The following GFOD1 variants were observed in gnomAD, a reference collection of about 807,000 sequenced individuals.
GFOD1 encodes Gfo/Idh/MocA-like oxidoreductase domain containing 1, also known as glucose-fructose oxidoreductase domain-containing protein 1.
In GFOD1, 9 loss-of-function variants were observed where a neutral mutation model predicts 25.4. The ratio of observed to expected loss-of-function variants is 0.35; its 90% confidence interval spans 0.21 to 0.62. The LOEUF (loss-of-function observed/expected upper bound fraction) is 0.62, where lower values mean the gene tolerates loss of function less well. Among genes scored for constraint, GFOD1 ranks in the 20% least tolerant of loss-of-function variants. The pLI, the probability that GFOD1 is intolerant of heterozygous loss-of-function variation, is 0.72. For synonymous variants in GFOD1, 253 were observed against 245.6 expected, an observed-to-expected ratio of 1.03 and a Z score of -0.28; for missense variants, 403 against 556.9, an observed-to-expected ratio of 0.72 and a Z score of 2.78.
intron 1 of GFOD1, among the ~76,000 whole-genome samples, chr6:13,414,375 G>A (rs957600251): frequency 3.3e-5 from 5 of 152,368 alleles, no homozygotes; most frequent in South Asian, 4.1e-4. Context: ...GTCGGCCAGC[G>A]CCCTGCAAAT....
chr6:13,444,496 G>A (rs1235731641), intron 1 of GFOD1, among the ~76,000 whole-genome samples: 1 of 151,272 alleles, frequency 6.6e-6, no homozygotes, highest in Non-Finnish European at 1.5e-5. Flanking sequence ...ATATACACAT[G>A]CTCCTGTTAA....
chr6:13,469,265 G>A (rs761612556), intron 1 of GFOD1: 5 of 985,134 alleles, frequency 5.1e-6, no homozygotes, highest in Non-Finnish European at 4.8e-6. Flanking sequence ...CATCACACTC[G>A]CCTTTTATAT....
At chr6:13,399,070 A>G (rs1346109105) in intron 1 of GFOD1, among the ~76,000 whole-genome samples, 3 of 152,186 alleles carry the variant, frequency 2.0e-5, no homozygotes, top group Non-Finnish European at 4.4e-5. Flanking sequence ...GCTGGAGTGC[A>G]GTGGCGCAAT....
chr6:13,378,494 C>T (rs1213658616), intron 1 of GFOD1, among the ~76,000 whole-genome samples: 6 of 152,168 alleles, frequency 3.9e-5, no homozygotes, highest in East Asian at 1.9e-4. Context: ...TCTTTGAAGA[C>T]GAATAGCTGG....
At chr6:13,432,917 C>T (rs1757776057) in intron 1 of GFOD1, among the ~76,000 whole-genome samples, 1 of 152,152 alleles carries the variant, frequency 6.6e-6, no homozygotes, top group African/African-American at 2.4e-5. Context: ...AGCAACTTGC[C>T]CCAAACCAGC....
intron 1 of GFOD1, chr6:13,470,345 CACAG>C: frequency 1.3e-6 from 2 of 1,561,060 alleles, no homozygotes; most frequent in Non-Finnish European, 1.7e-6. Flanking sequence ...ATCTCAGTTC[CACAG>C]ACAAATGCAG....
At position 13,358,333 on chromosome 6, in the gene GFOD1, T is replaced by A. The variant is rs879854525; in HGVS notation, c.*6410A>T. ...GTTTGGTTTTATACATATACATACA[T>A]ATATACTCATGTTTGTAAAACACAA... On this transcript the variant is annotated 3_prime_UTR_variant, in exon 2 of 2. Transcript: ENST00000379287. The A allele has an allele frequency of 1.3e-5, 2 of 152,132 alleles. No individual in the cohort carries two copies. The highest frequency in any genetic ancestry group is 2.9e-5 in the Non-Finnish European group (2 of 68,028). The allele number at this position is 152,132 out of a possible 1,614,324, so 9.4% of individuals were successfully genotyped here.
intron 1 of GFOD1, among the ~76,000 whole-genome samples, chr6:13,460,209 T>G (rs549453463): frequency 6.6e-6 from 1 of 152,178 alleles, no homozygotes; most frequent in Non-Finnish European, 1.5e-5. Context: ...TTTTACACTG[T>G]TGATGGGAAT....
intron 1 of GFOD1, among the ~76,000 whole-genome samples, chr6:13,390,804 G>GAAGA (rs1158316640): frequency 6.6e-6 from 1 of 151,238 alleles, no homozygotes; most frequent in Non-Finnish European, 1.5e-5. Flanking sequence ...AGGAAGGAAG[G>GAAGA]AAGGAAGGAA....
intron 1 of GFOD1, among the ~76,000 whole-genome samples, chr6:13,417,436 G>T (rs1451761790): frequency 6.6e-6 from 1 of 152,088 alleles, no homozygotes; most frequent in Admixed American, 6.6e-5. Context: ...TACAGGCTGG[G>T]GACTTTTTAT....
intron 1 of GFOD1, among the ~76,000 whole-genome samples, chr6:13,451,114 T>C (rs536085826): frequency 1.3e-5 from 2 of 152,344 alleles, no homozygotes; most frequent in East Asian, 1.9e-4. Context: ...GAGTTTTTAG[T>C]GACATCACAG....
chr6:13,437,952 A>C lies in GFOD1; in HGVS notation c.253+48686T>G, dbSNP rs1220059438. Reference sequence around the variant, plus strand: ...GAAAATGGGTAAAGGAGGAAGGAAGAAAAATAAAATAAAATATGGAAAGAA... The same window carrying C: ...GAAAATGGGTAAAGGAGGAAGGAAGCAAAATAAAATAAAATATGGAAAGAA... On this transcript the variant is annotated intron_variant, in intron 1 of 1. Transcript: ENST00000379287. Among the ~76,000 whole-genome samples the C allele has an allele frequency of 2.0e-5, 3 of 152,268 alleles. No individual in the cohort carries two copies. The East Asian group carries it at 5.8e-4, about 29-fold the overall frequency.
At chr6:13,484,472 G>C (rs574627627) in intron 1 of GFOD1, among the ~76,000 whole-genome samples, 6 of 152,210 alleles carry the variant, frequency 3.9e-5, no homozygotes, top group Admixed American at 3.9e-4. Flanking sequence ...ACTCGCAGGG[G>C]CACCCTGCAA....
At chr6:13,378,371 T>G (rs796893090) in intron 1 of GFOD1, among the ~76,000 whole-genome samples, 1 of 152,222 alleles carries the variant, frequency 6.6e-6, no homozygotes, top group African/African-American at 2.4e-5. Context: ...AGCATTGTAT[T>G]GAGAAGATTT....
intron 1 of GFOD1, among the ~76,000 whole-genome samples, chr6:13,436,765 C>T (rs187868566): frequency 1.3e-5 from 2 of 152,344 alleles, no homozygotes; most frequent in Non-Finnish European, 2.9e-5. Context: ...CTTAATCATT[C>T]TGTGGCTTTA....
At chr6:13,420,166 A>T (rs1562213458) in intron 1 of GFOD1, among the ~76,000 whole-genome samples, 1 of 152,202 alleles carries the variant, frequency 6.6e-6, no homozygotes, top group Non-Finnish European at 1.5e-5. Flanking sequence ...TGGAGAAAAC[A>T]CAGTTTCTCG....
intron 1 of GFOD1, among the ~76,000 whole-genome samples, chr6:13,379,598 C>T (rs1785319312): frequency 6.6e-6 from 1 of 152,222 alleles, no homozygotes; most frequent in Admixed American, 6.5e-5. Flanking sequence ...GTGGTTGCAG[C>T]TGCCAAGCCT....
intron 1 of GFOD1, among the ~76,000 whole-genome samples, chr6:13,435,623 T>C (rs978801309): frequency 7.2e-5 from 11 of 152,196 alleles, no homozygotes; most frequent in Admixed American, 2.6e-4. Context: ...GGTAAACAGC[T>C]ACTGCTCCAA....
At chr6:13,366,736 C>T (rs925545487) in intron 1 of GFOD1, among the ~76,000 whole-genome samples, 3 of 151,842 alleles carry the variant, frequency 2.0e-5, no homozygotes, top group African/African-American at 7.3e-5. Flanking sequence ...CTTAAGTGGT[C>T]CCCTACCCTC....
Sources: gnomAD v4.1 joint callset for allele counts (sites outside exome capture counted in the v4.1 genomes callset) on GRCh38, gnomAD v4.1.1 for gene constraint, MANE v1.5 for transcripts, NCBI Gene and HGNC (gene_info 2026-07-23, HGNC 2026-07-21) for gene names.